The following TRIM24 variants were observed in gnomAD, a reference collection of about 807,000 sequenced individuals.
TRIM24 encodes the protein transcription intermediary factor 1-alpha.
In TRIM24, 29 loss-of-function variants were observed where a neutral mutation model predicts 123.9. The ratio of observed to expected loss-of-function variants is 0.23; its 90% CI spans 0.17 to 0.32. The LOEUF is 0.32. Ranked by LOEUF, TRIM24 falls within the 10% of genes least tolerant of loss-of-function variation. TRIM24 has a pLI of 1.00. For missense variants in TRIM24, 932 were observed against 1,295.3 expected, an observed-to-expected ratio of 0.72 and a Z score of 4.31; for synonymous variants, 456 against 461.1, an observed-to-expected ratio of 0.99 and a Z score of 0.14.
chr7:138,512,080 C>T (rs2116548456), intron 2 of TRIM24, among the ~76,000 whole-genome samples: 1 of 152,306 alleles, frequency 6.6e-6, no homozygotes, highest in African/African-American at 2.4e-5. Flanking sequence ...GTCATTAAAT[C>T]TTAAAGCTCC....
chr7:138,508,690 T>TGCGCGCGCGCGCGC (rs371514737), intron 2 of TRIM24, among the ~76,000 whole-genome samples: 1 of 106,176 alleles, frequency 9.4e-6, no homozygotes, highest in African/African-American at 3.2e-5. Flanking sequence ...TGTGTGTGTG[T>TGCGCGCGCGCGCGC]GTGCGCGCGC....
At chr7:138,567,365 A>C (rs1797555422) in intron 9 of TRIM24, 116 bp from the exon 10 acceptor site, 1 of 975,390 alleles carries the variant, frequency 1.0e-6, no homozygotes, top group Non-Finnish European at 1.4e-6. Context: ...AATCTTAATA[A>C]TTGATTGATC....
rs779105343 is a variant in TRIM24, at chr7:138,504,344, T to C, written c.419T>C (p.Ile140Thr). Residue 140 changes from isoleucine (I) to threonine (T), a missense_variant, in exon 2 of 19, where the codon ATA becomes ACA. Around this residue, in one of 7 missense-constraint regions of TRIM24, gnomAD observed 74 missense variants for 163.6 expected, o/e 0.45. Coordinates refer to ENST00000343526, the MANE Select transcript of TRIM24 (RefSeq NM_015905.3). ...CAAGAATGTGCAGAGAGACACATCATAGATAACTTTTTTGTGAAGGACACT... is the reference window on the plus strand; with the variant it reads ...CAAGAATGTGCAGAGAGACACATCACAGATAACTTTTTTGTGAAGGACACT... ...CSQECAERHI[I>T]DNFFVKDTTE... is the part of the protein sequence containing the mutation. 6.2e-7 allele frequency: 1 copy of C among 1,603,520 alleles called. No individual in the cohort carries two copies. Among genetic ancestry groups the C allele is most frequent in the South Asian group, 1.1e-5 (1 of 89,266 alleles).
intron 9 of TRIM24, among the ~76,000 whole-genome samples, chr7:138,557,118 C>A (rs1797330592): frequency 6.6e-6 from 1 of 152,140 alleles, no homozygotes; most frequent in Non-Finnish European, 1.5e-5. Flanking sequence ...ATTTGTTTTT[C>A]TTAACTTTGC....
chr7:138,463,043 G>GGTTTTTTTTTTT (rs1368069679), intron 1 of TRIM24, among the ~76,000 whole-genome samples: 1 of 60,132 alleles, frequency 1.7e-5, no homozygotes, highest in South Asian at 7.0e-4. Context: ...CTAATTTTGT[G>GGTTTTTTTTTTT]TTTTTTTTTT....
At chr7:138,492,294 A>G (rs949288668) in intron 1 of TRIM24, among the ~76,000 whole-genome samples, 2 of 150,246 alleles carry the variant, frequency 1.3e-5, no homozygotes, top group Non-Finnish European at 3.0e-5. Context: ...AAAAAAAAAA[A>G]AAAAGGGAAA....
In TRIM24 at chr7:138,508,686, T is replaced by TGCGCGCGCGCGTGCGC. The variant is rs1168887347; in HGVS notation, c.483+4279_483+4280insCGCGCGCGCGTGCGCG. Among the ~76,000 whole-genome samples, 270 of 85,996 alleles carry TGCGCGCGCGCGTGCGC rather than the reference T, an allele frequency of 3.1e-3. 1 individual carries two copies. The highest frequency in any genetic ancestry group is 0.013 in the African/African-American group (249 of 19,074). The allele number at this position is 85,996 out of a possible 152,430, so 56.4% of individuals were successfully genotyped here. On this transcript the variant is annotated intron_variant, in intron 2 of 18. Transcript: ENST00000343526. ...GAGTGTGTGTGTGTGTGTGTGTGTG[T>TGCGCGCGCGCGTGCGC]GTGTGTGCGCGCGCGTGTGTGCGTG...
At chr7:138,559,579 T>C (rs1397002188) in intron 9 of TRIM24, among the ~76,000 whole-genome samples, 1 of 152,052 alleles carries the variant, frequency 6.6e-6, no homozygotes, top group Non-Finnish European at 1.5e-5. Context: ...AGCCGGGCTG[T>C]TGTCTCCTCA....
intron 1 of TRIM24, among the ~76,000 whole-genome samples, chr7:138,489,523 G>T (rs1422865020): frequency 6.6e-6 from 1 of 152,180 alleles, no homozygotes; most frequent in Admixed American, 6.5e-5. Flanking sequence ...TCCTTTAGGA[G>T]CTCTTGTAAG....
chr7:138,525,217 G>T, intron 4 of TRIM24, 24 bp from the exon 5 acceptor site: 4 of 1,126,044 alleles, frequency 3.6e-6, no homozygotes, highest in Non-Finnish European at 4.9e-6. Flanking sequence ...ATTTTTATAT[G>T]AAATAATTTG....
intron 7 of TRIM24, among the ~76,000 whole-genome samples, chr7:138,540,590 G>A (rs1796983545): frequency 6.6e-6 from 1 of 152,112 alleles, no homozygotes; most frequent in African/African-American, 2.4e-5. Flanking sequence ...TTCTCTTGCT[G>A]TTTCTACCAC....
chr7:138,520,573 C>T (rs532686578), intron 4 of TRIM24, among the ~76,000 whole-genome samples: 1 of 152,126 alleles, frequency 6.6e-6, no homozygotes, highest in African/African-American at 2.4e-5. Flanking sequence ...GCTTGTATTC[C>T]TAGCTACTTG....
chr7:138,485,373 C>CT (rs547181841), intron 1 of TRIM24, among the ~76,000 whole-genome samples: 188 of 149,946 alleles, frequency 1.3e-3, no homozygotes, highest in African/African-American at 4.5e-3. Context: ...TTTAATTATA[C>CT]TTTAAGTTCT....
intron 1 of TRIM24, among the ~76,000 whole-genome samples, chr7:138,471,874 A>G (rs756841901): frequency 2.6e-5 from 4 of 152,192 alleles, no homozygotes; most frequent in Admixed American, 6.5e-5. Context: ...AATGTCTTCT[A>G]TAGGAATTAG....
At chr7:138,537,604 A>G (rs1796918261) in intron 6 of TRIM24, among the ~76,000 whole-genome samples, 1 of 152,020 alleles carries the variant, frequency 6.6e-6, no homozygotes, top group Non-Finnish European at 1.5e-5. Flanking sequence ...TATTCCTACT[A>G]GAATGTTTCC....
In TRIM24 at chr7:138,460,784, A is replaced by G. The variant is rs1794943528; in HGVS notation, c.236A>G (p.Gln79Arg). The change falls in exon 1 of 19, where the codon CAG becomes CGG. Residue 79 changes from glutamine to arginine, a missense_variant. By Grantham distance (43) the Gln-to-Arg change is conservative. Coordinates refer to ENST00000343526, the MANE Select transcript of TRIM24 (RefSeq NM_015905.3). Reference protein sequence around the residue: ...KLLPCLHSFCQRCLPAPQRYL... With the variant: ...KLLPCLHSFCRRCLPAPQRYL... Reference sequence around the variant, plus strand: ...CTGCCCTGCCTGCACTCTTTCTGCCAGCGCTGCCTGCCCGCGCCCCAGCGC... The same window carrying G: ...CTGCCCTGCCTGCACTCTTTCTGCCGGCGCTGCCTGCCCGCGCCCCAGCGC... The G allele has an allele frequency of 1.9e-6, 3 of 1,584,434 alleles. No individual in the cohort carries two copies. Among genetic ancestry groups the G allele is most frequent in the East Asian group, 4.8e-5 (2 of 41,258 alleles).
At chr7:138,578,572 G>A (rs997785415) in intron 14 of TRIM24, among the ~76,000 whole-genome samples, 18 of 151,304 alleles carry the variant, frequency 1.2e-4, no homozygotes, top group Non-Finnish European at 1.8e-4. Context: ...GTGCGCGCAC[G>A]CACGAATGGA....
chr7:138,483,805 G>A (rs1367743828), intron 1 of TRIM24, among the ~76,000 whole-genome samples: 1 of 152,184 alleles, frequency 6.6e-6, no homozygotes, highest in South Asian at 2.1e-4. Flanking sequence ...GTTCCCACAG[G>A]AGGATGAGAT....
At chr7:138,553,467 G>A (rs755283068) in intron 8 of TRIM24, among the ~76,000 whole-genome samples, 8 of 152,072 alleles carry the variant, frequency 5.3e-5, no homozygotes, top group Non-Finnish European at 1.2e-4. Context: ...ATGAATAACT[G>A]TATATTTTTA....
Sources: allele counts gnomAD v4.1 joint callset (sites outside exome capture counted in the v4.1 genomes callset), GRCh38; gene constraint gnomAD v4.1.1; regional missense constraint gnomAD v4.1.1; transcripts MANE v1.5; gene names NCBI Gene and HGNC (gene_info 2026-07-23, HGNC 2026-07-21).